Variants in IFI44L observed in about 807,000 individuals in gnomAD.
The protein encoded by IFI44L is interferon-induced protein 44-like.
Under a neutral mutation model 39.3 loss-of-function variants are expected in IFI44L, and 40 were observed. That is an observed-to-expected ratio of 1.02 (90% CI 0.79 to 1.33). IFI44L has a LOEUF of 1.33. IFI44L is among the 40% of genes most tolerant of loss of function. The pLI, the probability that IFI44L is intolerant of heterozygous loss-of-function variation, is 0.00. For missense variants in IFI44L, 623 were observed against 549.0 expected, an observed-to-expected ratio of 1.13 and a Z score of -1.35; for synonymous variants, 198 against 182.3, an observed-to-expected ratio of 1.09 and a Z score of -0.69.
chr1:78,642,005 C>A lies in IFI44L; in HGVS notation c.*196C>A, dbSNP rs1008495123. Reference sequence around the variant, plus strand: ...AAGATAGGTCCTACTGCAAACCACCCCTCCATATTTCCGTACCATTTACAA... The same window carrying A: ...AAGATAGGTCCTACTGCAAACCACCACTCCATATTTCCGTACCATTTACAA... On this transcript the variant is annotated 3_prime_UTR_variant, in exon 9 of 9. Transcript: ENST00000370751. The A allele has an allele frequency of 4.7e-6, 3 of 633,042 alleles. No individual in the cohort carries two copies. The highest frequency in any genetic ancestry group is 8.5e-6 in the Non-Finnish European group (3 of 351,152). 39.2% of individuals were successfully genotyped at this position (633,042 alleles called of 1,614,324 possible).
rs891308899 is a variant in IFI44L at position 78,642,213 on chromosome 1, A to T, written c.*404A>T. ...GTGAGTTCTTTGAGAAACAGCGTGG[A>T]TTTTACTTATCTGTGTATTCACAGA... is the stretch of plus-strand genomic sequence containing the variant. On this transcript the variant is annotated 3_prime_UTR_variant, in exon 9 of 9. Transcript: ENST00000370751. The T allele has an allele frequency of 2.9e-5, 6 of 203,764 alleles. No homozygotes were observed. In the Admixed American group the frequency reaches 3.2e-4, roughly 11 times the overall value. The allele number at this position is 203,764 out of a possible 1,614,324, so 12.6% of individuals were successfully genotyped here.
intron 8 of IFI44L, 82 bp from the exon 9 acceptor site, chr1:78,641,693 T>C: frequency 1.9e-6 from 3 of 1,606,094 alleles, no homozygotes; most frequent in Non-Finnish European, 2.6e-6. Context: ...ATTAGATGAC[T>C]GGGGCCCACC....
chr1:78,630,576 G>A (rs1371184881), intron 4 of IFI44L, among the ~76,000 whole-genome samples: 3 of 151,824 alleles, frequency 2.0e-5, no homozygotes, highest in Admixed American at 6.6e-5. Flanking sequence ...AATAATAAAG[G>A]GAAAGAATAG....
chr1:78,629,045 A>T (rs1330908083), intron 3 of IFI44L, 46 bp downstream of exon 3: 1 of 1,178,160 alleles, frequency 8.5e-7, no homozygotes, highest in African/African-American at 1.5e-5. Context: ...TATTTAGACC[A>T]ATTGTATAAA....
chr1:78,622,684 A>G (rs894760415), intron 1 of IFI44L, among the ~76,000 whole-genome samples: 3 of 152,210 alleles, frequency 2.0e-5, no homozygotes, highest in African/African-American at 4.8e-5. Context: ...GCTGGTTTCA[A>G]TGAAGTAAGT....
chr1:78,632,244 A>G (rs1652776535), intron 4 of IFI44L, among the ~76,000 whole-genome samples: 3 of 152,174 alleles, frequency 2.0e-5, no homozygotes, highest in South Asian at 4.1e-4. Context: ...TAAAGAACAA[A>G]AACAAAAACT....
Position 78,641,867 on chromosome 1 carries a change from A to T in IFI44L, c.*58A>T. On this transcript the variant is annotated 3_prime_UTR_variant, in exon 9 of 9. Transcript: ENST00000370751. ...GCCTGTACTGGTGTGCCGCAATGAG[A>T]GTCAATCTCTATTGACAGCCTGCTT... 1 of 1,552,806 alleles carries T rather than the reference A, an allele frequency of 6.4e-7. No homozygotes were observed. The highest frequency in any genetic ancestry group is 8.9e-7 in the Non-Finnish European group (1 of 1,124,484).
Position 78,628,326 on chromosome 1 carries a change from A to C in IFI44L, c.411A>C (p.Thr137=). The change falls in exon 2 of 9, where the codon ACA becomes ACC. Residue 137 remains threonine, a synonymous_variant. Transcript: ENST00000370751. ...AAATTTATCTAGATAAAATGATAAC[A>C]AGAAACTTGAAACTAAGGTTTTATG... ...DNKIYLDKMI[T]RNLKLRFYGH... 3 of 1,600,958 alleles carry C rather than the reference A, an allele frequency of 1.9e-6. No homozygotes were observed. The highest frequency in any genetic ancestry group is 2.6e-6 in the Non-Finnish European group (3 of 1,174,788).
At chr1:78,631,547 C>A (rs1652749285) in intron 4 of IFI44L, 1 of 152,120 alleles carries the variant, frequency 6.6e-6, no homozygotes, top group African/African-American at 2.4e-5. Context: ...CTGAGAAATC[C>A]TTTTCTTTGC....
chr1:78,628,714 C>T (rs1350077986), intron 2 of IFI44L: 9 of 527,884 alleles, frequency 1.7e-5, no homozygotes, highest in African/African-American at 1.5e-4. Flanking sequence ...AGATCAGACC[C>T]TTATATGACC....
intron 4 of IFI44L, among the ~76,000 whole-genome samples, chr1:78,634,993 T>TAC: frequency 1.7e-5 from 2 of 120,610 alleles, no homozygotes; most frequent in South Asian, 6.0e-4. Flanking sequence ...CCATTATATA[T>TAC]ATATATATGT....
At chr1:78,638,800 T>G (rs2100389461) in intron 6 of IFI44L, among the ~76,000 whole-genome samples, 1 of 152,298 alleles carries the variant, frequency 6.6e-6, no homozygotes, top group Middle Eastern at 3.4e-3. Context: ...AACATCTTTG[T>G]CATCTAATTA....
chr1:78,641,614 T>C lies in IFI44L; in HGVS notation c.1324+5T>C, dbSNP rs745713542. ...ATTTGCCTCTTGAGGAAACTGGTAA[T>C]CTGGCCCTTTTCTCCCCCTGTCATA... On this transcript the variant is annotated splice_donor_5th_base_variant and intron_variant, in intron 8 of 8. Coordinates refer to ENST00000370751, the MANE Select transcript of IFI44L (RefSeq NM_006820.4). The C allele has an allele frequency of 8.7e-6, 14 of 1,613,074 alleles. No homozygotes were observed. Among genetic ancestry groups the C allele is most frequent in the Non-Finnish European group, 1.2e-5 (14 of 1,179,184 alleles).
chr1:78,622,453 T>TTA (rs1652311215), intron 1 of IFI44L, among the ~76,000 whole-genome samples: 2 of 152,236 alleles, frequency 1.3e-5, no homozygotes, highest in Admixed American at 1.3e-4. Flanking sequence ...TAAACAATAT[T>TTA]TAACATATTG....
At chr1:78,641,300 C>A (rs981337570) in intron 7 of IFI44L, 135 bp from the exon 8 acceptor site, 1 of 903,936 alleles carries the variant, frequency 1.1e-6, no homozygotes, top group Non-Finnish European at 1.7e-6. Flanking sequence ...CTGCAATGAT[C>A]TGAATTATTG....
Position 78,627,956 on chromosome 1 carries a change from A to C in IFI44L, c.41A>C (p.His14Pro). 1.9e-6 allele frequency: 3 copies of C among 1,607,408 alleles called. No individual in the cohort carries two copies. The highest frequency in any genetic ancestry group is 2.5e-6 in the Non-Finnish European group (3 of 1,177,492). The change falls in exon 2 of 9, where the codon CAT becomes CCT. Residue 14 changes from histidine to proline, a missense_variant. Transcript: ENST00000370751. ...AGATTGACATGGAATGATGAAAATC[A>C]TCTGCGCAAGCTGCTTGGAAATGTT... The part of the protein sequence containing the change: ...TTRLTWNDEN[H>P]LRKLLGNVSL...
At chr1:78,640,400 T>C (rs1021999736) in intron 6 of IFI44L, among the ~76,000 whole-genome samples, 1 of 152,122 alleles carries the variant, frequency 6.6e-6, no homozygotes, top group African/African-American at 2.4e-5. Flanking sequence ...GTAAAGGAAA[T>C]CATTTAGTAA....
chr1:78,627,975 A>G lies in IFI44L; in HGVS notation c.60A>G (p.Gly20=). 1 of 1,611,178 alleles carries G rather than the reference A, an allele frequency of 6.2e-7. No homozygotes were observed. The highest frequency in any genetic ancestry group is 1.1e-5 in the South Asian group (1 of 90,406). The change falls in exon 2 of 9, where the codon GGA becomes GGG. Residue 20 remains glycine, a synonymous_variant. Coordinates refer to ENST00000370751, the MANE Select transcript of IFI44L (RefSeq NM_006820.4). ...AAAATCATCTGCGCAAGCTGCTTGG[A>G]AATGTTTCTTTGAGTCTTCTCTATA... is the stretch of plus-strand genomic sequence containing the variant. ...NDENHLRKLL[G]NVSLSLLYKS... is the part of the protein sequence containing the mutation.
chr1:78,629,981 T>A, intron 4 of IFI44L, 66 bp downstream of exon 4: 1 of 1,397,374 alleles, frequency 7.2e-7, no homozygotes, highest in Non-Finnish European at 1.0e-6. Context: ...TGTCTTTGCC[T>A]TTTTCTCTTA....
Sources: gnomAD v4.1 joint callset for allele counts (sites outside exome capture counted in the v4.1 genomes callset) on GRCh38, gnomAD v4.1.1 for gene constraint, MANE v1.5 for transcripts, NCBI Gene and HGNC (gene_info 2026-07-23, HGNC 2026-07-21) for gene names.